Variants in PPARGC1A observed in about 807,000 individuals in gnomAD.
The protein encoded by PPARGC1A is PPARG coactivator 1 alpha.
Under a neutral mutation model 88.7 loss-of-function variants are expected in PPARGC1A, and 25 were observed. That is an observed-to-expected ratio of 0.28 (90% CI 0.21 to 0.39). The LOEUF (loss-of-function observed/expected upper bound fraction) is 0.39, where lower values mean the gene tolerates loss of function less well. Among genes scored for constraint, PPARGC1A ranks in the 10% least tolerant of loss-of-function variants. PPARGC1A has a pLI of 1.00. For synonymous variants in PPARGC1A, 363 were observed against 355.6 expected, an observed-to-expected ratio of 1.02 and a Z score of -0.24; for missense variants, 880 against 968.7, an observed-to-expected ratio of 0.91 and a Z score of 1.22.
chr4:24,039,002 G>T, the PPARGC1A span, among the ~76,000 whole-genome samples: 1 of 152,098 alleles, frequency 6.6e-6, no homozygotes, highest in Admixed American at 6.6e-5. Context: ...TTACATTCAC[G>T]AAACAGACAA....
intron 2 of PPARGC1A, among the ~76,000 whole-genome samples, chr4:23,872,135 C>G (rs984482213): frequency 2.0e-5 from 3 of 152,200 alleles, no homozygotes; most frequent in African/African-American, 7.2e-5. Context: ...GTCCTTCCAG[C>G]TGGACTGAAA....
chr4:24,098,747 A>C, the PPARGC1A span, among the ~76,000 whole-genome samples: 1 of 151,448 alleles, frequency 6.6e-6, no homozygotes, highest in South Asian at 2.1e-4. Context: ...GACTGTGATC[A>C]GAAGGATTTA....
chr4:24,369,213 T>G, the PPARGC1A span, among the ~76,000 whole-genome samples: 1 of 152,212 alleles, frequency 6.6e-6, no homozygotes, highest in Non-Finnish European at 1.5e-5. Flanking sequence ...CTTTGGTCAG[T>G]GTTTTAATTG....
Position 23,828,620 on chromosome 4 carries a change from T to C in PPARGC1A, c.553-16A>G, listed in dbSNP as rs750086883. On this transcript the variant is annotated splice_polypyrimidine_tract_variant and intron_variant, in intron 4 of 12. Transcript: ENST00000264867. The stretch of plus-strand genomic sequence containing the variant: ...AATTCTCAGTCTTAAAAACAAGGCA[T>C]AAAGAAAGCTAAAATTAGTGAACTG... The C allele has an allele frequency of 5.6e-6, 9 of 1,610,664 alleles. No individual in the cohort carries two copies. The Middle Eastern group carries it at 5.0e-4, about 89-fold the overall frequency.
the PPARGC1A span, among the ~76,000 whole-genome samples, chr4:24,076,414 G>C: frequency 6.6e-6 from 1 of 152,060 alleles, no homozygotes; most frequent in African/African-American, 2.4e-5. Flanking sequence ...ATATTTTTCT[G>C]CCTCTTAGAA....
At chr4:23,936,352 C>G in the PPARGC1A span, among the ~76,000 whole-genome samples, 1 of 152,138 alleles carries the variant, frequency 6.6e-6, no homozygotes, top group South Asian at 2.1e-4. Flanking sequence ...AGAATATGAA[C>G]CAGGCAATCT....
chr4:24,059,936 G>A, the PPARGC1A span, among the ~76,000 whole-genome samples: 1 of 152,154 alleles, frequency 6.6e-6, no homozygotes, highest in Non-Finnish European at 1.5e-5. Context: ...CTCTGCTCTG[G>A]AAGGAATAAG....
At chr4:24,248,542 C>G in the PPARGC1A span, among the ~76,000 whole-genome samples, 1 of 152,100 alleles carries the variant, frequency 6.6e-6, no homozygotes, top group Non-Finnish European at 1.5e-5. Flanking sequence ...TCCTTTTAGT[C>G]TGTAACTACA....
At chr4:23,893,729 C>A (rs1357218335), upstream of PPARGC1A, among the ~76,000 whole-genome samples, 4 of 152,116 alleles carry the variant, frequency 2.6e-5, no homozygotes, top group African/African-American at 9.7e-5. Flanking sequence ...CAGAAAATTA[C>A]TGTAGTTTTA....
chr4:24,395,508 G>C, the PPARGC1A span, among the ~76,000 whole-genome samples: 2 of 152,174 alleles, frequency 1.3e-5, no homozygotes, highest in African/African-American at 4.8e-5. Flanking sequence ...AGCTCCATGA[G>C]ATTTTCTGTT....
chr4:24,252,192 G>A, the PPARGC1A span, among the ~76,000 whole-genome samples: 2 of 152,106 alleles, frequency 1.3e-5, no homozygotes, highest in South Asian at 2.1e-4. Context: ...ATATGGTAAT[G>A]TTCTATGATG....
At chr4:23,982,542 AGTGGGCAGT>A in the PPARGC1A span, among the ~76,000 whole-genome samples, 1 of 152,204 alleles carries the variant, frequency 6.6e-6, no homozygotes, top group Non-Finnish European at 1.5e-5. Flanking sequence ...TGTGGTCTAT[AGTGGGCAGT>A]GTGAGCTCAG....
the PPARGC1A span, among the ~76,000 whole-genome samples, chr4:24,160,938 C>G: frequency 6.6e-6 from 1 of 152,124 alleles, no homozygotes; most frequent in Non-Finnish European, 1.5e-5. Flanking sequence ...GGCAGGGTCC[C>G]AGATCCTGGA....
the PPARGC1A span, among the ~76,000 whole-genome samples, chr4:24,261,478 A>G: frequency 6.6e-6 from 1 of 152,108 alleles, no homozygotes; most frequent in Non-Finnish European, 1.5e-5. Context: ...TTCTCTTTCT[A>G]TAGGAACTCT....
the PPARGC1A span, among the ~76,000 whole-genome samples, chr4:24,353,145 G>A: frequency 6.6e-6 from 1 of 151,758 alleles, no homozygotes. Flanking sequence ...GCTTAATGCA[G>A]TAGAATCTGC....
intron 2 of PPARGC1A, among the ~76,000 whole-genome samples, chr4:23,854,412 A>G (rs1025403497): frequency 2.6e-5 from 4 of 152,178 alleles, no homozygotes; most frequent in Non-Finnish European, 4.4e-5. Context: ...GACCTGGGAA[A>G]TGAAGGCACA....
the PPARGC1A span, among the ~76,000 whole-genome samples, chr4:24,043,372 G>T: frequency 6.6e-6 from 1 of 152,134 alleles, no homozygotes; most frequent in African/African-American, 2.4e-5. Flanking sequence ...AGAAGAAATT[G>T]TTTGAACTCT....
At chr4:24,213,666 T>C in the PPARGC1A span, among the ~76,000 whole-genome samples, 4 of 152,070 alleles carry the variant, frequency 2.6e-5, no homozygotes, top group Non-Finnish European at 1.5e-5. Context: ...TAGAAAAGAG[T>C]ACATATGTGT....
chr4:23,859,513 G>A (rs1577542955), intron 2 of PPARGC1A, among the ~76,000 whole-genome samples: 1 of 152,248 alleles, frequency 6.6e-6, no homozygotes, highest in East Asian at 1.9e-4. Context: ...ACACCACGGT[G>A]GCTCACGCCT....
Sources: gnomAD v4.1 joint callset for allele counts (sites outside exome capture counted in the v4.1 genomes callset) on GRCh38, gnomAD v4.1.1 for gene constraint, MANE v1.5 for transcripts, NCBI Gene and HGNC (gene_info 2026-07-23, HGNC 2026-07-21) for gene names.